KLC4: variants seen among roughly 807,000 people sequenced by gnomAD.
The protein encoded by KLC4 is kinesin-like protein 8.
In KLC4, 49 loss-of-function variants were observed where a neutral mutation model predicts 77.2. That is an observed-to-expected ratio of 0.63 (90% CI 0.50 to 0.80). The LOEUF is 0.80. Ranked by LOEUF, KLC4 falls within the 30% of genes least tolerant of loss-of-function variation. The pLI, the probability that KLC4 is intolerant of heterozygous loss-of-function variation, is 0.00. For synonymous variants in KLC4, 274 were observed against 314.5 expected (o/e 0.87, Z 1.36); for missense variants, 669 against 793.5 (o/e 0.84, Z 1.89).
intron 2 of KLC4, 96 bp from the exon 3 acceptor site, chr6:43,062,821 C>A: frequency 5.2e-6 from 5 of 967,218 alleles, no homozygotes; most frequent in South Asian, 4.2e-5. Flanking sequence ...TCCTCTGTGC[C>A]CCTGCCAGTC....
At chr6:43,072,696 T>C in intron 12 of KLC4, 128 bp from the exon 13 acceptor site, 3 of 778,250 alleles carry the variant, frequency 3.9e-6, no homozygotes, top group Non-Finnish European at 4.2e-6. Context: ...ATTATTCCAG[T>C]AGGTATAAAC....
intron 6 of KLC4, among the ~76,000 whole-genome samples, chr6:43,067,923 T>C (rs111594671): frequency 2.0e-4 from 20 of 100,478 alleles, no homozygotes; most frequent in East Asian, 6.2e-4. Flanking sequence ...CCATCCTGGC[T>C]AAAACGGTGA....
intron 6 of KLC4, among the ~76,000 whole-genome samples, chr6:43,069,108 A>AAAAT (rs965289044): frequency 4.5e-4 from 68 of 152,188 alleles, no homozygotes; most frequent in Admixed American, 1.3e-3. Flanking sequence ...ACTTCATCTT[A>AAAAT]AAATAAATAA....
rs370945199 is a variant in KLC4, at chr6:43,066,382, C to A, written c.648C>A (p.Asn216Lys). The A allele has an allele frequency of 6.2e-7, 1 of 1,614,198 alleles. No individual in the cohort carries two copies. Residue 216 changes from asparagine (N) to lysine (K), a missense_variant, in exon 5 of 16, where the codon AAC becomes AAA. Physicochemically the swap from Asn to Lys is moderately conservative, Grantham distance 94 (BLOSUM62 0). Transcript: ENST00000347162. ...EIPARLRTLH[N>K]LVIQYAAQGR... The stretch of plus-strand genomic sequence containing the variant: ...CAGCAAGGTTGCGGACGTTGCACAA[C>A]CTGGTGATCCAGTACGCAGCCCAAG...
chr6:43,067,379 T>C (rs1243212807), intron 6 of KLC4: 5 of 467,680 alleles, frequency 1.1e-5, no homozygotes, highest in South Asian at 7.9e-5. Context: ...CTAATAAATA[T>C]AAAAGAAAAA....
At chr6:43,068,196 G>A (rs1019326382) in intron 6 of KLC4, among the ~76,000 whole-genome samples, 9 of 151,200 alleles carry the variant, frequency 6.0e-5, no homozygotes, top group South Asian at 4.2e-4. Context: ...CACAAGGGTC[G>A]GGCACAGTGG....
Position 43,072,253 on chromosome 6 carries a change from C to T in KLC4, c.1486C>T (p.Gln496Ter). The change falls in exon 12 of 16, where the codon CAG becomes TAG. Residue 496 changes from glutamine (Q) to a stop codon, truncating the protein, a stop_gained and splice_region_variant. Coordinates refer to ENST00000347162, the MANE Select transcript of KLC4 (RefSeq NM_201521.3). LOFTEE classifies it high-confidence loss of function. ...LEECALRSRR[Q>*]GTDPISQTKV... ...GGAATGTGCCCTGCGGTCCCGGAGA[C>T]AGGTCAGAAGCCCAGAGGGGAAGGA... 1 of 1,612,688 alleles carries T rather than the reference C, an allele frequency of 6.2e-7. No homozygotes were observed. The highest frequency in any genetic ancestry group is 8.5e-7 in the Non-Finnish European group (1 of 1,178,736).
rs187045702 is a variant in KLC4, at chr6:43,065,387, T to C, written c.490-233T>C. 5.7e-5 allele frequency: 26 copies of C among 456,932 alleles called. No individual in the cohort carries two copies. In the East Asian group the frequency reaches 9.5e-4, roughly 17 times the overall value. The allele number at this position is 456,932 out of a possible 1,614,324, so 28.3% of individuals were successfully genotyped here. A position where few individuals can be genotyped will look rare whatever the true frequency, so the allele number is the denominator to read the frequency against. ...CCACACCCGGCCAGGAAGGAAACTT[T>C]CTGTATGAGAAGGAGGGGAAGTCTT... is the stretch of plus-strand genomic sequence containing the variant. On this transcript the variant is annotated intron_variant, in intron 3 of 15. Coordinates refer to ENST00000347162, the MANE Select transcript of KLC4 (RefSeq NM_201521.3).
chr6:43,063,255 T>C (rs1765257620), intron 3 of KLC4, 108 bp downstream of exon 3: 1 of 758,720 alleles, frequency 1.3e-6, no homozygotes, highest in Non-Finnish European at 2.1e-6. Flanking sequence ...CTACCCAACC[T>C]GCTCTCACCT....
chr6:43,069,276 G>T lies in KLC4; in HGVS notation c.880-1078G>T, dbSNP rs1006973699. ...GTTTTGTTTTTTGAGATGGAGTTTC[G>T]CAGTGTCACCCAGCCTATAGTGCAG... On this transcript the variant is annotated intron_variant, in intron 6 of 15. Coordinates refer to ENST00000347162, the MANE Select transcript of KLC4 (RefSeq NM_201521.3). Among the ~76,000 whole-genome samples, 3 of 152,166 alleles carry T rather than the reference G, an allele frequency of 2.0e-5. No homozygotes were observed. The East Asian group carries it at 5.8e-4, about 29-fold the overall frequency.
chr6:43,060,330 T>A (rs1765080453), intron 1 of KLC4: 2 of 1,586,924 alleles, frequency 1.3e-6, no homozygotes, highest in East Asian at 4.7e-5. Flanking sequence ...AGACAGTAGC[T>A]CCCTAGGCCT....
At chr6:43,060,154 C>A (rs1292740011) in intron 1 of KLC4, 1 of 1,609,162 alleles carries the variant, frequency 6.2e-7, no homozygotes, top group Non-Finnish European at 8.5e-7. Context: ...GTGGAGGCAC[C>A]CTACGGTGAT....
At chr6:43,060,292 A>G (rs1229417235) in intron 1 of KLC4, 2 of 1,612,788 alleles carry the variant, frequency 1.2e-6, no homozygotes, top group Non-Finnish European at 1.7e-6. Context: ...TCTCTGGTTA[A>G]GTCTCTCTCT....
chr6:43,061,685 T>G, intron 2 of KLC4, 92 bp downstream of exon 2: 1 of 1,282,342 alleles, frequency 7.8e-7, no homozygotes, highest in African/African-American at 1.5e-5. Context: ...ATCACCTCAC[T>G]CTAGACGTTT....
intron 12 of KLC4, 63 bp from the exon 13 acceptor site, chr6:43,072,761 T>G (rs908066244): frequency 5.1e-6 from 8 of 1,559,742 alleles, no homozygotes; most frequent in Non-Finnish European, 6.9e-6. Flanking sequence ...TGAAAAAAAT[T>G]TGAAAGCCCC....
At chr6:43,072,801 C>T in intron 12 of KLC4, 23 bp from the exon 13 acceptor site, 2 of 1,612,950 alleles carry the variant, frequency 1.2e-6, no homozygotes, top group Non-Finnish European at 8.5e-7. Context: ...TAGGAAGTCC[C>T]AGGTCCTTCC....
intron 3 of KLC4, among the ~76,000 whole-genome samples, chr6:43,063,728 A>G (rs928050145): frequency 1.3e-5 from 2 of 149,452 alleles, no homozygotes; most frequent in Admixed American, 6.6e-5. Flanking sequence ...TAATTTTTGT[A>G]TTTTTACTAG....
intron 2 of KLC4, 95 bp downstream of exon 2, chr6:43,061,688 A>C (rs1203113354): frequency 8.0e-7 from 1 of 1,252,306 alleles, no homozygotes; most frequent in African/African-American, 1.5e-5. Context: ...ACCTCACTCT[A>C]GACGTTTGCA....
At position 43,070,791 on chromosome 6, in the gene KLC4, C is replaced by T. The variant is rs1582022062; in HGVS notation, c.1081C>T (p.Gln361Ter). The T allele has an allele frequency of 6.2e-7, 1 of 1,614,130 alleles. No individual in the cohort carries two copies. Among genetic ancestry groups the T allele is most frequent in the South Asian group, 1.1e-5 (1 of 91,088 alleles). Residue 361 changes from glutamine (Q) to a stop codon, truncating the protein, a stop_gained, in exon 8 of 16, where the codon CAG becomes TAG. Coordinates refer to ENST00000347162, the MANE Select transcript of KLC4 (RefSeq NM_201521.3). LOFTEE classifies it high-confidence loss of function. ...GTATGAGGCCGTGGAACGCTACTAC[C>T]AGCGAGCACTGGCCATCTACGAGGG... ...GKYEAVERYY[Q>*]RALAIYEGQL... is the part of the protein sequence containing the mutation.
Sources: gnomAD v4.1 joint callset for allele counts (sites outside exome capture counted in the v4.1 genomes callset) on GRCh38, gnomAD v4.1.1 for gene constraint, MANE v1.5 for transcripts, NCBI Gene and HGNC (gene_info 2026-07-23, HGNC 2026-07-21) for gene names.